Variants in TENM2 observed in about 807,000 individuals in gnomAD.
The protein encoded by TENM2 is teneurin-2.
Under a neutral mutation model 245.2 loss-of-function variants are expected in TENM2, and 52 were observed. The ratio of observed to expected loss-of-function variants is 0.21; its 90% CI spans 0.17 to 0.27. TENM2 has a LOEUF of 0.27. TENM2 is among the 10% of genes least tolerant of loss of function. The pLI is 1.00. For missense variants in TENM2, 3,046 were observed against 3,666.8 expected, an observed-to-expected ratio of 0.83 and a Z score of 4.37; for synonymous variants, 1,363 against 1,438.9, an observed-to-expected ratio of 0.95 and a Z score of 1.19.
At chr5:167,286,346 G>A (rs979714131) in intron 1 of TENM2, among the ~76,000 whole-genome samples, 1 of 152,214 alleles carries the variant, frequency 6.6e-6, no homozygotes, top group South Asian at 2.1e-4. Context: ...TGAGAAAATG[G>A]GGGCAGAGGC....
At chr5:167,897,455 A>G (rs1212522157) in intron 3 of TENM2, among the ~76,000 whole-genome samples, 1 of 152,236 alleles carries the variant, frequency 6.6e-6, no homozygotes, top group African/African-American at 2.4e-5. Flanking sequence ...GTAGGAAAAA[A>G]TCAGGTCTTA....
intron 4 of TENM2, among the ~76,000 whole-genome samples, chr5:167,970,324 C>G (rs1781682892): frequency 6.6e-6 from 1 of 152,174 alleles, no homozygotes; most frequent in South Asian, 2.1e-4. Context: ...TTATTAGTCT[C>G]CTGACATCTC....
intron 1 of TENM2, among the ~76,000 whole-genome samples, chr5:167,362,468 C>T (rs927203684): frequency 3.3e-5 from 5 of 152,186 alleles, no homozygotes; most frequent in African/African-American, 1.2e-4. Flanking sequence ...TGCTGATAGA[C>T]TGTGATCCAT....
chr5:167,657,353 T>C (rs1023860883), intron 2 of TENM2, among the ~76,000 whole-genome samples: 2 of 152,214 alleles, frequency 1.3e-5, no homozygotes, highest in Non-Finnish European at 2.9e-5. Context: ...ATTGTGTGTA[T>C]GCACCACATT....
intron 4 of TENM2, among the ~76,000 whole-genome samples, chr5:167,992,701 T>C (rs1783758818): frequency 6.6e-6 from 1 of 152,220 alleles, no homozygotes; most frequent in Admixed American, 6.5e-5. Flanking sequence ...TTGCTTTGAA[T>C]GCTTTGCAGG....
intron 2 of TENM2, among the ~76,000 whole-genome samples, chr5:167,795,423 A>G (rs1765251175): frequency 6.6e-6 from 1 of 152,180 alleles, no homozygotes; most frequent in Non-Finnish European, 1.5e-5. Context: ...AATCAGATCT[A>G]TTCTATCATC....
the TENM2 span, among the ~76,000 whole-genome samples, chr5:167,098,468 C>T: frequency 2.8e-4 from 43 of 152,302 alleles, 1 homozygote; most frequent in South Asian, 8.5e-3. Flanking sequence ...GGGTCCTACA[C>T]CCTGACAGTG....
chr5:167,165,536 A>T, the TENM2 span, among the ~76,000 whole-genome samples: 1 of 152,122 alleles, frequency 6.6e-6, no homozygotes, highest in African/African-American at 2.4e-5. Flanking sequence ...ATCAGCACTG[A>T]CTGTCTCTTC....
chr5:167,666,378 G>A (rs1221624656), intron 2 of TENM2, among the ~76,000 whole-genome samples: 1 of 152,130 alleles, frequency 6.6e-6, no homozygotes, highest in East Asian at 1.9e-4. Context: ...GCAAAATTGG[G>A]AATAGTTTTT....
Position 168,215,343 on chromosome 5 carries a change from A to G in TENM2, c.4078+71A>G. 15 of 1,239,864 alleles carry G rather than the reference A, an allele frequency of 1.2e-5. No individual in the cohort carries two copies. The South Asian group carries it at 1.7e-4, about 14-fold the overall frequency. 76.8% of individuals were successfully genotyped at this position (1,239,864 alleles called of 1,614,324 possible). On this transcript the variant is annotated intron_variant, in intron 21 of 28. Transcript: ENST00000518659. The stretch of plus-strand genomic sequence containing the variant: ...CCACCAGCTTGGCTTTCTTCTCATC[A>G]GAACTTAACTAAGTCCAGCAGTCCA...
chr5:167,521,294 A>T lies in TENM2; in HGVS notation c.502+145821A>T, dbSNP rs546509264. Among the ~76,000 whole-genome samples the T allele has an allele frequency of 2.0e-5, 3 of 152,300 alleles. No individual in the cohort carries two copies. The South Asian group carries it at 6.2e-4, about 32-fold the overall frequency. On this transcript the variant is annotated intron_variant, in intron 2 of 28. Coordinates refer to ENST00000518659, the Ensembl canonical transcript of TENM2. ...ATAAAATGCAAGTATATCACTACTC[A>T]AATATTCACATTTTTTTCCTTAAGG...
At chr5:167,235,748 A>C in the TENM2 span, among the ~76,000 whole-genome samples, 1 of 152,300 alleles carries the variant, frequency 6.6e-6, no homozygotes, top group East Asian at 1.9e-4. Flanking sequence ...ATGTTGTAAT[A>C]AAAGTCCCAG....
At chr5:167,946,223 C>A (rs1779609961) in intron 3 of TENM2, among the ~76,000 whole-genome samples, 1 of 152,108 alleles carries the variant, frequency 6.6e-6, no homozygotes, top group Non-Finnish European at 1.5e-5. Context: ...GGACCTATTC[C>A]TTCCATCCCT....
exon 3 of TENM2, chr5:167,876,175 C>T (rs1393998475): frequency 1.3e-6 from 2 of 1,551,180 alleles, no homozygotes; most frequent in Non-Finnish European, 1.7e-6. Flanking sequence ...TGCTCAGGGC[C>T]CCAGCAAGCC....
chr5:167,308,361 A>G (rs1013197809), intron 1 of TENM2, among the ~76,000 whole-genome samples: 2 of 152,196 alleles, frequency 1.3e-5, no homozygotes, highest in Admixed American at 1.3e-4. Context: ...TACACCCAGT[A>G]TTATTCTAGG....
intron 2 of TENM2, among the ~76,000 whole-genome samples, chr5:167,562,644 G>A (rs778781860): frequency 1.3e-5 from 2 of 152,172 alleles, no homozygotes; most frequent in Non-Finnish European, 2.9e-5. Context: ...GCCTGTGACT[G>A]CTGCTTGGCC....
intron 2 of TENM2, among the ~76,000 whole-genome samples, chr5:167,612,440 TA>T (rs1220567107): frequency 6.6e-6 from 1 of 151,822 alleles, no homozygotes; most frequent in East Asian, 1.9e-4. Context: ...ATGATTTTTT[TA>T]AAAAAAAGGC....
At chr5:167,954,183 T>TCACA (rs369023821) in intron 4 of TENM2, among the ~76,000 whole-genome samples, 12 of 149,152 alleles carry the variant, frequency 8.0e-5, no homozygotes, top group East Asian at 2.0e-4. Context: ...ACACACTCAC[T>TCACA]CACACACACA....
At chr5:167,812,176 T>C (rs192959986) in intron 2 of TENM2, among the ~76,000 whole-genome samples, 6 of 152,226 alleles carry the variant, frequency 3.9e-5, no homozygotes, top group South Asian at 2.1e-4. Flanking sequence ...CAATAAAATG[T>C]AGTATTCCTG....
Sources: gnomAD v4.1 joint callset for allele counts (sites outside exome capture counted in the v4.1 genomes callset) on GRCh38, gnomAD v4.1.1 for gene constraint, MANE v1.5 for transcripts, NCBI Gene and HGNC (gene_info 2026-07-23, HGNC 2026-07-21) for gene names.